STAG1: variants seen among roughly 807,000 people sequenced by gnomAD.
STAG1 encodes the protein cohesin subunit SA-1.
A neutral mutation model predicts 170.9 loss-of-function variants in STAG1; 26 were observed. That is an observed-to-expected ratio of 0.15 (90% CI 0.11 to 0.21). The LOEUF is 0.21. Among genes scored for constraint, STAG1 ranks in the 10% least tolerant of loss-of-function variants. The probability of loss-of-function intolerance (pLI) is 1.00; values close to 1 mark genes in which losing one functional copy is unlikely to be tolerated. For synonymous variants in STAG1, 514 were observed against 497.7 expected, an observed-to-expected ratio of 1.03 and a Z score of -0.44; for missense variants, 964 against 1,509.5, an observed-to-expected ratio of 0.64 and a Z score of 5.99.
At chr3:136,513,262 G>A (rs536604505) in intron 7 of STAG1, among the ~76,000 whole-genome samples, 9 of 151,938 alleles carry the variant, frequency 5.9e-5, no homozygotes, top group African/African-American at 1.9e-4. Context: ...GGCTGAGGTC[G>A]GAGAGTATCC....
At chr3:136,734,733 C>A (rs1401322529) in intron 1 of STAG1, among the ~76,000 whole-genome samples, 1 of 152,104 alleles carries the variant, frequency 6.6e-6, no homozygotes, top group African/African-American at 2.4e-5. Context: ...TTTAATCTCT[C>A]TCAACAGAAT....
At chr3:136,405,501 C>G (rs1053713936) in intron 21 of STAG1, among the ~76,000 whole-genome samples, 10 of 151,852 alleles carry the variant, frequency 6.6e-5, no homozygotes, top group South Asian at 2.1e-4. Context: ...ATCGACCTCT[C>G]AAAGTGCTGG....
chr3:136,382,184 A>G (rs1938005724), intron 22 of STAG1, among the ~76,000 whole-genome samples: 1 of 152,162 alleles, frequency 6.6e-6, no homozygotes, highest in Admixed American at 6.6e-5. Flanking sequence ...TTAGTATGTA[A>G]GAAAGTCTAG....
chr3:136,503,569 G>A (rs557800007), intron 7 of STAG1, among the ~76,000 whole-genome samples: 1 of 152,140 alleles, frequency 6.6e-6, no homozygotes, highest in South Asian at 2.1e-4. Context: ...GTTTGAGCTG[G>A]TAAATAATTT....
chr3:136,512,560 C>G (rs1034460818), intron 7 of STAG1, among the ~76,000 whole-genome samples: 1 of 152,120 alleles, frequency 6.6e-6, no homozygotes, highest in Admixed American at 6.6e-5. Context: ...CCAGAGTCAT[C>G]AGACATATGT....
At chr3:136,640,438 G>A (rs899593595) in intron 1 of STAG1, among the ~76,000 whole-genome samples, 6 of 149,658 alleles carry the variant, frequency 4.0e-5, no homozygotes, top group East Asian at 2.0e-4. Flanking sequence ...GCACGATCTC[G>A]GCTCACTGCA....
intron 1 of STAG1, among the ~76,000 whole-genome samples, chr3:136,638,808 G>T (rs1940682599): frequency 6.6e-6 from 1 of 152,034 alleles, no homozygotes; most frequent in Non-Finnish European, 1.5e-5. Context: ...AAGCTGAGGT[G>T]GGAGAATTAC....
At chr3:136,397,907 C>T (rs1374787253) in intron 22 of STAG1, among the ~76,000 whole-genome samples, 1 of 150,618 alleles carries the variant, frequency 6.6e-6, no homozygotes, top group Non-Finnish European at 1.5e-5. Flanking sequence ...GAGGGTTGTT[C>T]ACTTTGTGTC....
intron 3 of STAG1, among the ~76,000 whole-genome samples, chr3:136,616,723 A>G (rs1016253430): frequency 2.0e-5 from 3 of 152,158 alleles, no homozygotes; most frequent in Admixed American, 6.5e-5. Flanking sequence ...CCTGGGCAAC[A>G]TGACGAAACC....
At position 136,748,389 on chromosome 3, in the gene STAG1, AAAT is replaced by A. The variant is rs1257014709; in HGVS notation, c.-84+3803_-84+3805del. ...GCACTCTGGTCGGGGCACACTCAAAAAATAATAAATTTTTTTTTTTTTCCTGAG... is the reference window on the plus strand; with the variant it reads ...GCACTCTGGTCGGGGCACACTCAAAAAATAAATTTTTTTTTTTTTCCTGAG... On this transcript the variant is annotated intron_variant, in intron 1 of 33. Transcript: ENST00000383202. Among the ~76,000 whole-genome samples the A allele has an allele frequency of 5.9e-5, 9 of 151,784 alleles. No individual in the cohort carries two copies. The East Asian group carries it at 7.8e-4, about 13-fold the overall frequency.
chr3:136,724,600 TAAAAAAAAA>T (rs58430366), intron 1 of STAG1, among the ~76,000 whole-genome samples: 1 of 104,676 alleles, frequency 9.6e-6, no homozygotes, highest in African/African-American at 3.2e-5. Context: ...GAATGATCAA[TAAAAAAAAA>T]AAAAAAAAAG....
At chr3:136,504,924 C>T (rs1229547004) in intron 7 of STAG1, among the ~76,000 whole-genome samples, 1 of 152,064 alleles carries the variant, frequency 6.6e-6, no homozygotes, top group Non-Finnish European at 1.5e-5. Context: ...CTAAAACAGA[C>T]AAGACATGTT....
intron 4 of STAG1, among the ~76,000 whole-genome samples, chr3:136,591,292 T>C (rs1452514434): frequency 8.9e-5 from 7 of 78,266 alleles, no homozygotes; most frequent in African/African-American, 3.6e-4. Flanking sequence ...GGCGGGAAGG[T>C]GGGAAGGCAG....
chr3:136,708,966 G>T (rs1943305518), intron 1 of STAG1, among the ~76,000 whole-genome samples: 1 of 86,924 alleles, frequency 1.2e-5, no homozygotes, highest in Non-Finnish European at 2.4e-5. Flanking sequence ...ACTGCAGCTG[G>T]CTTTTTTTTT....
chr3:136,731,712 A>G (rs1276495050), intron 1 of STAG1, among the ~76,000 whole-genome samples: 1 of 152,242 alleles, frequency 6.6e-6, no homozygotes, highest in African/African-American at 2.4e-5. Context: ...GTAAATGTTC[A>G]ACAAATGCTT....
At chr3:136,615,686 G>T (rs1010177735) in intron 3 of STAG1, among the ~76,000 whole-genome samples, 1 of 150,312 alleles carries the variant, frequency 6.7e-6, no homozygotes, top group African/African-American at 2.5e-5. Context: ...GCTGAGGCAG[G>T]GGAATGGTGT....
chr3:136,524,951 G>A (rs1934918203), intron 6 of STAG1, among the ~76,000 whole-genome samples: 1 of 152,176 alleles, frequency 6.6e-6, no homozygotes, highest in African/African-American at 2.4e-5. Flanking sequence ...AAGCCCACTT[G>A]ATCATGGTGG....
intron 15 of STAG1, among the ~76,000 whole-genome samples, chr3:136,440,338 C>T (rs182586403): frequency 6.6e-5 from 10 of 152,078 alleles, no homozygotes; most frequent in African/African-American, 2.2e-4. Flanking sequence ...GGGGTTTCAC[C>T]GTGTTAGCCA....
At chr3:136,449,831 G>A (rs1023269116) in intron 14 of STAG1, among the ~76,000 whole-genome samples, 10 of 151,096 alleles carry the variant, frequency 6.6e-5, no homozygotes, top group African/African-American at 2.2e-4. Flanking sequence ...GTCAGTTAGC[G>A]AAGATCATCA....
Sources: allele counts gnomAD v4.1 joint callset (sites outside exome capture counted in the v4.1 genomes callset), GRCh38; gene constraint gnomAD v4.1.1; transcripts MANE v1.5; gene names NCBI Gene and HGNC (gene_info 2026-07-23, HGNC 2026-07-21).